Variants in PARVB observed in about 807,000 individuals in gnomAD.
PARVB encodes parvin beta.
Under a neutral mutation model 47.0 loss-of-function variants are expected in PARVB, and 46 were observed. The ratio of observed to expected loss-of-function variants is 0.98; its 90% confidence interval spans 0.77 to 1.25. PARVB has a LOEUF of 1.25. PARVB is among the 50% of genes most tolerant of loss of function. PARVB has a pLI of 0.00. For missense variants in PARVB, 473 were observed against 471.6 expected (o/e 1.00, Z -0.03); for synonymous variants, 196 against 196.3 (o/e 1.00, Z 0.01).
intron 1 of PARVB, among the ~76,000 whole-genome samples, chr22:44,026,826 G>A (rs1183255805): frequency 6.6e-6 from 1 of 151,842 alleles, no homozygotes; most frequent in Non-Finnish European, 1.5e-5. Context: ...AGGACTCTAA[G>A]GGAGGAGGGG....
chr22:44,089,560 C>A lies in PARVB; in HGVS notation c.113-4368C>A, dbSNP rs1244988328. 2.0e-5 allele frequency: 3 copies of A among 151,634 alleles called. No individual in the cohort carries two copies. Among genetic ancestry groups the A allele is most frequent in the African/African-American group, 7.3e-5 (3 of 41,312 alleles). 9.4% of individuals were successfully genotyped at this position (151,634 alleles called of 1,614,324 possible). A position where few individuals can be genotyped will look rare whatever the true frequency, so the allele number is the denominator to read the frequency against. On this transcript the variant is annotated intron_variant, in intron 1 of 12. Coordinates refer to ENST00000338758, the MANE Select transcript of PARVB (RefSeq NM_013327.5). This position sits in a 1 kb window ranked among gnomAD's most constrained non-coding sequence, Gnocchi z 4.0. ...GGCAAGTAGACCGGTACTTTAAAAA[C>A]CAAAACATTCCTGGGATTCACTGAA...
At chr22:44,117,744 G>T (rs1448914853) in intron 3 of PARVB, among the ~76,000 whole-genome samples, 1 of 152,172 alleles carries the variant, frequency 6.6e-6, no homozygotes, top group Non-Finnish European at 1.5e-5. Flanking sequence ...ACAGGGGACG[G>T]TATATTCTGG....
intron 6 of PARVB, among the ~76,000 whole-genome samples, chr22:44,136,178 G>A (rs1482538350): frequency 2.0e-5 from 3 of 152,166 alleles, no homozygotes; most frequent in African/African-American, 7.2e-5. Flanking sequence ...GACCTGGGGT[G>A]TTTCTCCTGA....
intron 2 of PARVB, among the ~76,000 whole-genome samples, chr22:44,009,719 C>G (rs1319213203): frequency 6.6e-6 from 1 of 150,968 alleles, no homozygotes; most frequent in Non-Finnish European, 1.5e-5. Flanking sequence ...TTTAAAAACC[C>G]TCTTTTATAT....
At chr22:44,087,975 T>A (rs1188351936) in intron 1 of PARVB, among the ~76,000 whole-genome samples, 1 of 151,830 alleles carries the variant, frequency 6.6e-6, no homozygotes, top group East Asian at 1.9e-4. Flanking sequence ...GGTGGCTGCA[T>A]GCTGGCGACT....
At chr22:44,004,271 G>A (rs897692128) in intron 2 of PARVB, among the ~76,000 whole-genome samples, 17 of 152,220 alleles carry the variant, frequency 1.1e-4, no homozygotes, top group African/African-American at 2.9e-4. Flanking sequence ...TCCAGGTCGC[G>A]CGCGAAGTCA....
At chr22:44,016,367 A>G (rs1397488681) in intron 2 of PARVB, among the ~76,000 whole-genome samples, 1 of 152,056 alleles carries the variant, frequency 6.6e-6, no homozygotes, top group Non-Finnish European at 1.5e-5. Flanking sequence ...AAGTGCTGGG[A>G]TTACAGGCAT....
chr22:44,129,388 G>A (rs948968883), intron 4 of PARVB, among the ~76,000 whole-genome samples: 16 of 152,134 alleles, frequency 1.1e-4, no homozygotes, highest in African/African-American at 3.9e-4. Flanking sequence ...CCAGACAAAC[G>A]AATCCAGTGT....
At chr22:44,140,794 G>T in intron 8 of PARVB, 1 of 295,534 alleles carries the variant, frequency 3.4e-6, no homozygotes, top group Non-Finnish European at 6.9e-6. Context: ...TATTAGTGTT[G>T]GTTTTCAGTG....
intron 1 of PARVB, among the ~76,000 whole-genome samples, chr22:44,030,189 G>A (rs1287884604): frequency 2.6e-5 from 4 of 152,270 alleles, no homozygotes; most frequent in African/African-American, 7.2e-5. Flanking sequence ...CCCCAGCAAC[G>A]CCTGGGCTGG....
At chr22:44,119,679 A>G in intron 4 of PARVB, 1 of 457,164 alleles carries the variant, frequency 2.2e-6, no homozygotes, top group Non-Finnish European at 4.6e-6. Flanking sequence ...ATGTTGGATG[A>G]GTCCCGAGGG....
At chr22:44,126,342 A>G (rs1295910520) in intron 4 of PARVB, among the ~76,000 whole-genome samples, 1 of 152,214 alleles carries the variant, frequency 6.6e-6, no homozygotes, top group African/African-American at 2.4e-5. Context: ...AATTATCACA[A>G]TTTTATTATT....
chr22:44,044,655 T>G (rs2051082547), intron 1 of PARVB, among the ~76,000 whole-genome samples: 1 of 152,024 alleles, frequency 6.6e-6, no homozygotes, highest in Non-Finnish European at 1.5e-5. Context: ...CCAGCTGATT[T>G]TTGTATTTTT....
chr22:44,097,669 C>T (rs1200897410), intron 2 of PARVB, among the ~76,000 whole-genome samples: 2 of 152,150 alleles, frequency 1.3e-5, no homozygotes, highest in East Asian at 3.9e-4. Context: ...GAGATCCCGG[C>T]GGGATCTGCA....
At chr22:44,101,610 G>T (rs2052449664) in intron 3 of PARVB, among the ~76,000 whole-genome samples, 1 of 151,686 alleles carries the variant, frequency 6.6e-6, no homozygotes, top group South Asian at 2.1e-4. Flanking sequence ...AATTTGCCGG[G>T]CATGGTGGTG....
chr22:44,164,414 C>CCCA (rs1555913782), intron 12 of PARVB, among the ~76,000 whole-genome samples: 80 of 146,440 alleles, frequency 5.5e-4, no homozygotes, highest in Non-Finnish European at 9.7e-4. Flanking sequence ...CCCTGTCCCC[C>CCCA]CCCCGGCTCC....
intron 1 of PARVB, among the ~76,000 whole-genome samples, chr22:44,032,325 G>A (rs975633303): frequency 7.4e-4 from 113 of 152,320 alleles, no homozygotes; most frequent in African/African-American, 2.6e-3. Context: ...TGGGAAACCA[G>A]CGGAGTCTTT....
chr22:44,093,408 C>T (rs78012267), intron 1 of PARVB, among the ~76,000 whole-genome samples: 5 of 152,308 alleles, frequency 3.3e-5, no homozygotes, highest in Non-Finnish European at 7.3e-5. Context: ...CATCCTGACC[C>T]GGGTGTTCCA....
intron 10 of PARVB, among the ~76,000 whole-genome samples, chr22:44,156,874 G>A (rs1376281543): frequency 6.6e-6 from 1 of 152,124 alleles, no homozygotes; most frequent in African/African-American, 2.4e-5. Flanking sequence ...AGGGGCTGGG[G>A]GGAAGGTAGA....
Sources: gnomAD v4.1 joint callset for allele counts (sites outside exome capture counted in the v4.1 genomes callset) on GRCh38, gnomAD v4.1.1 for gene constraint, Gnocchi (gnomAD v3.1) non-coding constraint, MANE v1.5 for transcripts, NCBI Gene and HGNC (gene_info 2026-07-23, HGNC 2026-07-21) for gene names.